The following CTNND1 variants were observed in gnomAD, a reference collection of about 807,000 sequenced individuals.
The protein encoded by CTNND1 is catenin delta-1.
In CTNND1, 16 loss-of-function variants were observed where a neutral mutation model predicts 112.1. That is an observed-to-expected ratio of 0.14 (90% CI 0.10 to 0.22). The LOEUF (loss-of-function observed/expected upper bound fraction) is 0.22. Ranked by LOEUF, CTNND1 falls within the 10% of genes least tolerant of loss-of-function variation. The pLI is 1.00. For synonymous variants in CTNND1, 420 were observed against 446.5 expected (o/e 0.94, Z 0.75); for missense variants, 1,008 against 1,257.0 (o/e 0.80, Z 3.00).
At chr11:57,793,183 TGGGGTGGAGGAAGAGTC>T (rs1272873361) in intron 3 of CTNND1, 1 of 151,872 alleles carries the variant, frequency 6.6e-6, no homozygotes, top group Non-Finnish European at 1.5e-5. Context: ...GTAATGGGAG[TGGGGTGGAGGAAGAGTC>T]TCCCAAGGTG....
intron 2 of CTNND1, 105 bp downstream of exon 2, chr11:57,789,260 CT>C: frequency 2.7e-6 from 2 of 747,028 alleles, no homozygotes; most frequent in Non-Finnish European, 4.0e-6. Context: ...TTTTAAATAC[CT>C]TTTTTCTTTA....
At chr11:57,794,559 G>A (rs2061137735) in intron 4 of CTNND1, among the ~76,000 whole-genome samples, 1 of 151,440 alleles carries the variant, frequency 6.6e-6, no homozygotes, top group South Asian at 2.1e-4. Context: ...GCTGAGGTGG[G>A]CAGATCACCT....
intron 1 of CTNND1, among the ~76,000 whole-genome samples, chr11:57,773,052 T>A (rs919120759): frequency 5.3e-5 from 8 of 152,224 alleles, no homozygotes; most frequent in African/African-American, 1.7e-4. Flanking sequence ...TCGTCTTGCA[T>A]GGGAAATAAT....
In CTNND1 at chr11:57,815,857, G is replaced by A. The variant is rs993739526; in HGVS notation, c.2809-58G>A. ...AATTTTCAGAGTTTCCCTAGCTCTG[G>A]CACACACTCATGAGGTTCCTGTCTC... is the stretch of plus-strand genomic sequence containing the variant. On this transcript the variant is annotated intron_variant, in intron 19 of 20. Coordinates refer to ENST00000399050, the MANE Select transcript of CTNND1 (RefSeq NM_001085458.2). 2.1e-6 allele frequency: 3 copies of A among 1,437,390 alleles called. No individual in the cohort carries two copies. In the African/African-American group the frequency reaches 4.2e-5, roughly 20 times the overall value. The allele number at this position is 1,437,390 out of a possible 1,614,324, so 89.0% of individuals were successfully genotyped here. A position where few individuals can be genotyped will look rare whatever the true frequency, so the allele number is the denominator to read the frequency against.
At chr11:57,782,539 A>G (rs575030613) in intron 1 of CTNND1, among the ~76,000 whole-genome samples, 1 of 152,366 alleles carries the variant, frequency 6.6e-6, no homozygotes, top group Admixed American at 6.5e-5. Context: ...GAAGTGAGGT[A>G]CAGAAACAGC....
At chr11:57,801,653 C>T in intron 6 of CTNND1, 80 bp from the exon 7 acceptor site, 2 of 1,146,790 alleles carry the variant, frequency 1.7e-6, no homozygotes, top group Non-Finnish European at 2.5e-6. Flanking sequence ...TCCTCCTTTG[C>T]AGATGAGGGT....
intron 4 of CTNND1, 138 bp from the exon 5 acceptor site, chr11:57,795,439 C>T: frequency 1.2e-6 from 1 of 807,800 alleles, no homozygotes; most frequent in South Asian, 1.9e-5. Context: ...GACAGCCACC[C>T]ATCTAAAAAT....
chr11:57,790,592 C>T (rs2060624847), intron 2 of CTNND1, among the ~76,000 whole-genome samples: 1 of 127,514 alleles, frequency 7.8e-6, no homozygotes, highest in African/African-American at 3.0e-5. Context: ...GAGTCTTGCA[C>T]TGTCGCCTAG....
chr11:57,812,171 T>G (rs2063439069), intron 17 of CTNND1, among the ~76,000 whole-genome samples: 1 of 152,190 alleles, frequency 6.6e-6, no homozygotes, highest in African/African-American at 2.4e-5. Flanking sequence ...CATTGTAGTC[T>G]TCATTGCCAC....
At position 57,796,742 on chromosome 11, in the gene CTNND1, C is replaced by G; in HGVS notation, c.706C>G (p.Arg236Gly). 1 of 1,613,712 alleles carries G rather than the reference C, an allele frequency of 6.2e-7. No individual in the cohort carries two copies. ...CTATGGCAGTCTGTCCCGGGTGACCCGCATTGAGGAGCGGTATAGGCCCAG... is the reference window on the plus strand; with the variant it reads ...CTATGGCAGTCTGTCCCGGGTGACCGGCATTGAGGAGCGGTATAGGCCCAG... ...DNYGSLSRVT[R>G]IEERYRPSME... The change falls in exon 6 of 21, where the codon CGC becomes GGC. Residue 236 changes from arginine (R) to glycine (G), a missense_variant. Transcript: ENST00000399050.
intron 1 of CTNND1, among the ~76,000 whole-genome samples, chr11:57,776,772 G>C (rs1168373618): frequency 6.6e-6 from 1 of 152,148 alleles, no homozygotes. Flanking sequence ...CTGTATTTCT[G>C]AGTCAGCACT....
intron 6 of CTNND1, among the ~76,000 whole-genome samples, chr11:57,797,421 G>A (rs2061460548): frequency 6.8e-6 from 1 of 147,998 alleles, no homozygotes; most frequent in Admixed American, 6.7e-5. Context: ...AGTAGAGATG[G>A]GGTTTCACCA....
intron 12 of CTNND1, 73 bp downstream of exon 12, chr11:57,807,056 C>T: frequency 8.5e-7 from 1 of 1,182,160 alleles, no homozygotes; most frequent in East Asian, 2.5e-5. Context: ...AACCTAACAG[C>T]AGACTTTATG....
In CTNND1 at chr11:57,805,902, C is replaced by T; in HGVS notation, c.1743C>T (p.Cys581=). The change falls in exon 10 of 21, where the codon TGC becomes TGT. Residue 581 remains cysteine (C), a synonymous_variant. Transcript: ENST00000399050. The part of the protein sequence containing the change: ...SDSKLVENCV[C]LLRNLSYQVH... The stretch of plus-strand genomic sequence containing the variant: ...CTAAGCTTGTAGAGAACTGTGTTTG[C>T]CTTCTTCGGAACTTATCATATCAAG... 3.7e-6 allele frequency: 6 copies of T among 1,613,800 alleles called. No individual in the cohort carries two copies. Among genetic ancestry groups the T allele is most frequent in the Non-Finnish European group, 5.1e-6 (6 of 1,179,792 alleles).
rs145191455 is a variant in CTNND1 at position 57,791,633 on chromosome 11, A to G, written c.155A>G (p.Asn52Ser). ...GTCCGGGTCTCACCACAAGATGCCAACCCACTCATGGCCAACGGCACACTC... is the reference window on the plus strand; with the variant it reads ...GTCCGGGTCTCACCACAAGATGCCAGCCCACTCATGGCCAACGGCACACTC... ...ERVRVSPQDA[N>S]PLMANGTLTR... The change falls in exon 3 of 21, where the codon AAC (asparagine) becomes AGC (serine). Residue 52 changes from asparagine (N) to serine (S), a missense_variant. Around this residue, in one of 5 missense-constraint regions of CTNND1, gnomAD observed 404 missense variants for 457.9 expected, o/e 0.88. Transcript: ENST00000399050. 4.6e-3 allele frequency: 7,348 copies of G among 1,597,556 alleles called. 27 individuals carry two copies. The highest frequency in any genetic ancestry group is 5.8e-3 in the Non-Finnish European group (6,846 of 1,170,380).
intron 3 of CTNND1, among the ~76,000 whole-genome samples, chr11:57,792,019 T>A (rs896971433): frequency 3.9e-5 from 6 of 152,106 alleles, no homozygotes; most frequent in Admixed American, 2.6e-4. Flanking sequence ...TATCAAAAAA[T>A]CAGGAAAGTA....
intron 2 of CTNND1, among the ~76,000 whole-genome samples, chr11:57,789,466 A>G (rs1591407317): frequency 6.6e-6 from 1 of 152,206 alleles, no homozygotes; most frequent in South Asian, 2.1e-4. Context: ...TCATTTTTAT[A>G]TAACTATCTT....
chr11:57,765,732 T>C (rs1950901084), intron 1 of CTNND1, among the ~76,000 whole-genome samples: 1 of 152,088 alleles, frequency 6.6e-6, no homozygotes, highest in Non-Finnish European at 1.5e-5. Flanking sequence ...CCTCCTAAAG[T>C]GCTGGGATTA....
At chr11:57,784,668 T>C (rs568951273) in intron 1 of CTNND1, among the ~76,000 whole-genome samples, 1 of 152,060 alleles carries the variant, frequency 6.6e-6, no homozygotes, top group Admixed American at 6.6e-5. Context: ...CATGCCCGGC[T>C]AATTTTTTTG....
Sources: gnomAD v4.1 joint callset for allele counts (sites outside exome capture counted in the v4.1 genomes callset) on GRCh38, gnomAD v4.1.1 for gene constraint, gnomAD v4.1.1 regional missense constraint, MANE v1.5 for transcripts, NCBI Gene and HGNC (gene_info 2026-07-23, HGNC 2026-07-21) for gene names.